GRID2IP: variants seen among roughly 807,000 people sequenced by gnomAD.
GRID2IP encodes Grid2 interacting protein, also known as delphilin.
A neutral mutation model predicts 114.3 loss-of-function variants in GRID2IP; 78 were observed. The observed-to-expected ratio is 0.68, with a 90% CI of 0.57 to 0.82. The LOEUF is 0.82. GRID2IP is among the 40% of genes least tolerant of loss of function. The pLI is 0.00. For missense variants in GRID2IP, 1,727 were observed against 1,678.5 expected (o/e 1.03, Z -0.51); for synonymous variants, 809 against 724.0 (o/e 1.12, Z -1.89).
chr7:6,502,913 C>G, intron 17 of GRID2IP, 41 bp from the exon 18 acceptor site: 1 of 1,539,378 alleles, frequency 6.5e-7, no homozygotes, highest in Non-Finnish European at 8.8e-7. Context: ...CTCACCCCAC[C>G]ACCCATCCAC....
At chr7:6,545,271 C>T (rs1034399721) in intron 1 of GRID2IP, among the ~76,000 whole-genome samples, 7 of 152,006 alleles carry the variant, frequency 4.6e-5, no homozygotes, top group Non-Finnish European at 4.4e-5. Flanking sequence ...AGATCAAGAC[C>T]CTGTCTCCAT....
rs1233088520 is a variant in GRID2IP at position 6,551,071 on chromosome 7, G to A, written c.366C>T (p.Gly122=). The change falls in exon 1 of 22, where the codon GGC becomes GGT. Residue 122 remains glycine, a synonymous_variant. Transcript: ENST00000457091. The stretch of plus-strand genomic sequence containing the variant: ...GGTGCACCGCGTCCGGGCGCTTGCG[G>A]CCGGCCAGGCGAAGCAGCTCACGGC... ...ALGRELLRLA[G]RKRPDAVHRE... 3 of 1,312,990 alleles carry A rather than the reference G, an allele frequency of 2.3e-6. No individual in the cohort carries two copies. Among genetic ancestry groups the A allele is most frequent in the Non-Finnish European group, 1.9e-6 (2 of 1,034,604 alleles). The allele number at this position is 1,312,990 out of a possible 1,614,324, so 81.3% of individuals were successfully genotyped here. A position where few individuals can be genotyped will look rare whatever the true frequency, so the allele number is the denominator to read the frequency against.
At chr7:6,518,412 A>C (rs941039885) in intron 7 of GRID2IP, among the ~76,000 whole-genome samples, 6 of 152,066 alleles carry the variant, frequency 3.9e-5, no homozygotes, top group Admixed American at 3.9e-4. Flanking sequence ...ATCAAATAAA[A>C]ATAACAGGAT....
chr7:6,502,756 C>T (rs1583331954), intron 18 of GRID2IP, 30 bp downstream of exon 18: 1 of 1,499,124 alleles, frequency 6.7e-7, no homozygotes, highest in Non-Finnish European at 9.1e-7. Context: ...TAGAGCAAAC[C>T]AGTCGATTGC....
chr7:6,549,598 A>G (rs1369167334), intron 1 of GRID2IP, among the ~76,000 whole-genome samples: 1 of 152,084 alleles, frequency 6.6e-6, no homozygotes, highest in Non-Finnish European at 1.5e-5. Context: ...AACAGGCGGA[A>G]TTCTTTTACA....
chr7:6,512,818 G>A (rs961124060), intron 8 of GRID2IP, among the ~76,000 whole-genome samples: 2 of 151,732 alleles, frequency 1.3e-5, no homozygotes, highest in African/African-American at 4.8e-5. Context: ...GCCACCCCTG[G>A]CTGATTTTTA....
In GRID2IP at chr7:6,551,320, A is replaced by G; in HGVS notation, c.117T>C (p.His39=). ...VLEVAKGSSA[H]AGGLRPGDQI... is the part of the protein sequence containing the mutation. ...GGTCTCCTGGCCGCAGTCCTCCGGC[A>G]TGCGCGCTGCTCCCCTTGGCCACCT... Residue 39 remains histidine, a synonymous_variant, in exon 1 of 22, where the codon CAT becomes CAC. Coordinates refer to ENST00000457091, the MANE Select transcript of GRID2IP (RefSeq NM_001145118.2). 6.5e-7 allele frequency: 1 copy of G among 1,546,234 alleles called. No individual in the cohort carries two copies. The highest frequency in any genetic ancestry group is 2.4e-5 in the East Asian group (1 of 40,868).
intron 1 of GRID2IP, among the ~76,000 whole-genome samples, chr7:6,548,112 G>A (rs1239008168): frequency 1.3e-5 from 2 of 152,190 alleles, no homozygotes; most frequent in Non-Finnish European, 2.9e-5. Flanking sequence ...AGCACTTTTG[G>A]AAGGCCGAGG....
At chr7:6,530,744 G>A (rs369216807) in intron 2 of GRID2IP, among the ~76,000 whole-genome samples, 5 of 152,308 alleles carry the variant, frequency 3.3e-5, no homozygotes, top group African/African-American at 1.2e-4. Flanking sequence ...CTCAGTCTCG[G>A]CCCTCTGTCC....
At position 6,536,283 on chromosome 7, in the gene GRID2IP, G is replaced by C. The variant is rs909472317; in HGVS notation, c.584+3435C>G. Reference sequence around the variant, plus strand: ...GCCCCTTCCTCCAGCAGCCTCCCCAGTTTTCCTGGCGCACTTGACACGCGC... The same window carrying C: ...GCCCCTTCCTCCAGCAGCCTCCCCACTTTTCCTGGCGCACTTGACACGCGC... On this transcript the variant is annotated intron_variant, in intron 2 of 21. Transcript: ENST00000457091. This position sits in a 1 kb window ranked among gnomAD's most constrained non-coding sequence, Gnocchi z 5.3. Among the ~76,000 whole-genome samples, 4 of 152,224 alleles carry C rather than the reference G, an allele frequency of 2.6e-5. No individual in the cohort carries two copies. Among genetic ancestry groups the C allele is most frequent in the Non-Finnish European group, 5.9e-5 (4 of 68,034 alleles).
At chr7:6,550,275 C>T (rs1344821321) in intron 1 of GRID2IP, among the ~76,000 whole-genome samples, 5 of 152,088 alleles carry the variant, frequency 3.3e-5, no homozygotes, top group Admixed American at 3.3e-4. Context: ...TTACATCTAG[C>T]ACCTGGCCTG....
chr7:6,540,191 G>C (rs1583353329), intron 1 of GRID2IP, among the ~76,000 whole-genome samples: 3 of 141,624 alleles, frequency 2.1e-5, no homozygotes, highest in African/African-American at 7.8e-5. Context: ...TGGCACACTA[G>C]AACCTCCATC....
Position 6,503,571 on chromosome 7 carries a change from C to A in GRID2IP, c.2827G>T (p.Asp943Tyr). Residue 943 changes from aspartate (D) to tyrosine (Y), a missense_variant, in exon 16 of 22, where the codon GAC becomes TAC. Asp to Tyr is a radical substitution (Grantham distance 160). Coordinates refer to ENST00000457091, the MANE Select transcript of GRID2IP (RefSeq NM_001145118.2). The stretch of plus-strand genomic sequence containing the variant: ...TGGTAGCGCTGCTCCTCGTCGGCGT[C>A]GGGCGCGAAGAGCAGCAGCTGCGCG... The part of the protein sequence containing the change: ...HLAQLLLFAP[D>Y]ADEEQRYQAF... 1.3e-6 allele frequency: 2 copies of A among 1,528,736 alleles called. No individual in the cohort carries two copies. Among genetic ancestry groups the A allele is most frequent in the East Asian group, 2.5e-5 (1 of 40,116 alleles). 94.7% of individuals were successfully genotyped at this position (1,528,736 alleles called of 1,614,324 possible).
Position 6,509,069 on chromosome 7 carries a change from G to T in GRID2IP, c.2016C>A (p.His672Gln), listed in dbSNP as rs1031049124. ...GGTCAGTATCGCGGCTTCGCACAGGGTGGGAGAAGGTGAAGAGCTTCCTGC... is the reference window on the plus strand; with the variant it reads ...GGTCAGTATCGCGGCTTCGCACAGGTTGGGAGAAGGTGAAGAGCTTCCTGC... ...PSRRKLFTFSHPVRSRDTDRF... is the reference protein window; with the variant it reads ...PSRRKLFTFSQPVRSRDTDRF... Residue 672 changes from histidine to glutamine, a missense_variant, in exon 12 of 22, where the codon CAC becomes CAA. His to Gln is a conservative substitution (Grantham distance 24, BLOSUM62 0). Transcript: ENST00000457091. The surrounding 1 kb of genome is among the most constrained non-coding windows in gnomAD (Gnocchi z 4.9). 1 of 1,523,508 alleles carries T rather than the reference G, an allele frequency of 6.6e-7. No homozygotes were observed. Among genetic ancestry groups the T allele is most frequent in the African/African-American group, 1.4e-5 (1 of 72,622 alleles). 94.4% of individuals were successfully genotyped at this position (1,523,508 alleles called of 1,614,324 possible). A position where few individuals can be genotyped will look rare whatever the true frequency, so the allele number is the denominator to read the frequency against.
Position 6,507,687 on chromosome 7 carries a change from TC to T in GRID2IP, c.2544+297del, listed in dbSNP as rs1249718952. ...GTGTGCAGGAGTTTGAACCAGCTGC[TC>T]TTTTAAAGGTTTAAGAGAACTTGTC... On this transcript the variant is annotated intron_variant, in intron 13 of 21. Coordinates refer to ENST00000457091, the MANE Select transcript of GRID2IP (RefSeq NM_001145118.2). This position sits in a 1 kb window ranked among gnomAD's most constrained non-coding sequence, Gnocchi z 5.3. Among the ~76,000 whole-genome samples the T allele has an allele frequency of 6.6e-6, 1 of 152,222 alleles. No individual in the cohort carries two copies. The highest frequency in any genetic ancestry group is 2.4e-5 in the African/African-American group (1 of 41,446).
intron 2 of GRID2IP, among the ~76,000 whole-genome samples, chr7:6,535,277 G>A (rs1316658146): frequency 2.6e-5 from 4 of 152,214 alleles, no homozygotes; most frequent in African/African-American, 9.7e-5. Flanking sequence ...TGATCCACCC[G>A]CCTCGGCCTC....
In GRID2IP at chr7:6,507,430, G is replaced by C. The variant is rs1158357081; in HGVS notation, c.2544+555C>G. ...ACCTTGTTCATCTTGCAGATTGGTT[G>C]GTCTGTGGATAAGATTGCTCTGCCC... On this transcript the variant is annotated intron_variant, in intron 13 of 21. Coordinates refer to ENST00000457091, the MANE Select transcript of GRID2IP (RefSeq NM_001145118.2). The surrounding 1 kb of genome is among the most constrained non-coding windows in gnomAD (Gnocchi z 5.3). Among the ~76,000 whole-genome samples, 1 of 151,912 alleles carries C rather than the reference G, an allele frequency of 6.6e-6. No homozygotes were observed. The highest frequency in any genetic ancestry group is 1.5e-5 in the Non-Finnish European group (1 of 67,992).
chr7:6,510,395 T>C lies in GRID2IP; in HGVS notation c.1659A>G (p.Ser553=), dbSNP rs1245309920. 6.5e-7 allele frequency: 1 copy of C among 1,529,356 alleles called. No individual in the cohort carries two copies. Among genetic ancestry groups the C allele is most frequent in the Non-Finnish European group, 8.8e-7 (1 of 1,134,942 alleles). 94.7% of individuals were successfully genotyped at this position (1,529,356 alleles called of 1,614,324 possible). The change falls in exon 11 of 22, where the codon TCA becomes TCG. Residue 553 remains serine, a synonymous_variant. Transcript: ENST00000457091. The part of the protein sequence containing the change: ...LPETPNPKMM[S]AVYAELESRL... ...GAGACTCAAGCTCTGCATAGACGGCTGACATCTGGAGGGAGACGGGGGAGA... is the reference window on the plus strand; with the variant it reads ...GAGACTCAAGCTCTGCATAGACGGCCGACATCTGGAGGGAGACGGGGGAGA...
intron 2 of GRID2IP, among the ~76,000 whole-genome samples, chr7:6,533,370 A>T (rs1204553898): frequency 6.6e-6 from 1 of 151,960 alleles, no homozygotes. Context: ...TCTCTTATTT[A>T]TTTTTAGAGA....
Sources: gnomAD v4.1 joint callset for allele counts (sites outside exome capture counted in the v4.1 genomes callset) on GRCh38, gnomAD v4.1.1 for gene constraint, Gnocchi (gnomAD v3.1) non-coding constraint, MANE v1.5 for transcripts, NCBI Gene and HGNC (gene_info 2026-07-23, HGNC 2026-07-21) for gene names.